RBMS3: variants seen among roughly 807,000 people sequenced by gnomAD.
The protein encoded by RBMS3 is RNA binding motif single stranded interacting protein 3.
In RBMS3, 27 loss-of-function variants were observed where a neutral mutation model predicts 66.8. The ratio of observed to expected loss-of-function variants is 0.40; its 90% confidence interval spans 0.30 to 0.56. The LOEUF (loss-of-function observed/expected upper bound fraction) is 0.56, where lower values mean the gene tolerates loss of function less well. Ranked by LOEUF, RBMS3 falls within the 20% of genes least tolerant of loss-of-function variation. The pLI, the probability that RBMS3 is intolerant of heterozygous loss-of-function variation, is 0.40. For missense variants in RBMS3, 513 were observed against 549.5 expected (o/e 0.93, Z 0.66); for synonymous variants, 188 against 183.0 (o/e 1.03, Z -0.22).
intron 5 of RBMS3, among the ~76,000 whole-genome samples, chr3:29,749,350 T>C (rs2055071517): frequency 6.6e-6 from 1 of 152,226 alleles, no homozygotes; most frequent in Non-Finnish European, 1.5e-5. Flanking sequence ...CAGTTCCCCA[T>C]GTAAACCAAG....
At chr3:30,002,692 C>T (rs540138260) in intron 14 of RBMS3, among the ~76,000 whole-genome samples, 12 of 152,074 alleles carry the variant, frequency 7.9e-5, no homozygotes, top group Admixed American at 3.3e-4. Context: ...CAACTAGTTG[C>T]TTTCCTCACA....
At chr3:29,807,060 A>G (rs2149451690) in intron 6 of RBMS3, among the ~76,000 whole-genome samples, 1 of 152,050 alleles carries the variant, frequency 6.6e-6, no homozygotes, top group South Asian at 2.1e-4. Context: ...TATATGCTTC[A>G]ATTTACAAAT....
At chr3:29,838,443 C>T (rs2058582594) in intron 6 of RBMS3, among the ~76,000 whole-genome samples, 1 of 152,062 alleles carries the variant, frequency 6.6e-6, no homozygotes, top group Non-Finnish European at 1.5e-5. Flanking sequence ...TCTTAAGTGA[C>T]AATATGTTCT....
intron 1 of RBMS3, among the ~76,000 whole-genome samples, chr3:29,328,087 A>C (rs796890913): frequency 1.8e-4 from 27 of 152,278 alleles, no homozygotes; most frequent in African/African-American, 6.0e-4. Context: ...TTATAACATC[A>C]TTATGTCTTG....
At chr3:29,853,253 C>G (rs915645377) in intron 6 of RBMS3, among the ~76,000 whole-genome samples, 2 of 152,032 alleles carry the variant, frequency 1.3e-5, no homozygotes, top group African/African-American at 2.4e-5. Flanking sequence ...CAACCAACCC[C>G]CATGACACAA....
At chr3:29,807,656 A>G (rs960258284) in intron 6 of RBMS3, among the ~76,000 whole-genome samples, 7 of 151,922 alleles carry the variant, frequency 4.6e-5, no homozygotes, top group Non-Finnish European at 7.4e-5. Flanking sequence ...AAGAAATGAG[A>G]TGGCAATATG....
intron 3 of RBMS3, among the ~76,000 whole-genome samples, chr3:29,529,540 T>C (rs1441497747): frequency 6.6e-6 from 1 of 152,180 alleles, no homozygotes; most frequent in Non-Finnish European, 1.5e-5. Context: ...GAGCTTTCTG[T>C]TTTAAAGAGA....
intron 3 of RBMS3, among the ~76,000 whole-genome samples, chr3:29,559,732 T>C (rs1441537623): frequency 6.6e-6 from 1 of 151,688 alleles, no homozygotes; most frequent in Admixed American, 6.6e-5. Flanking sequence ...TTGCATTTAT[T>C]GAATGAATGA....
intron 4 of RBMS3, among the ~76,000 whole-genome samples, chr3:29,711,597 A>C (rs13088513): frequency 0.43 from 64,753 of 151,930 alleles, 14,284 homozygotes; most frequent in South Asian, 0.53. Flanking sequence ...GAAACTTCAG[A>C]GCCAAGCAGG....
At chr3:29,384,968 T>C (rs1047871006) in intron 1 of RBMS3, among the ~76,000 whole-genome samples, 1 of 152,168 alleles carries the variant, frequency 6.6e-6, no homozygotes. Flanking sequence ...TATGATCTTA[T>C]AACTCCTGAG....
At chr3:29,845,609 G>T (rs1053588444) in intron 6 of RBMS3, among the ~76,000 whole-genome samples, 1 of 152,026 alleles carries the variant, frequency 6.6e-6, no homozygotes, top group Non-Finnish European at 1.5e-5. Context: ...CATTTGATAG[G>T]TATTTATTAG....
At chr3:29,699,002 C>G (rs2052412778) in intron 4 of RBMS3, among the ~76,000 whole-genome samples, 1 of 152,026 alleles carries the variant, frequency 6.6e-6, no homozygotes, top group Non-Finnish European at 1.5e-5. Context: ...CATAAAGTTC[C>G]ATTTTGTGAA....
intron 10 of RBMS3, among the ~76,000 whole-genome samples, chr3:29,915,307 A>C (rs1476826454): frequency 6.6e-6 from 1 of 151,880 alleles, no homozygotes; most frequent in Admixed American, 6.6e-5. Context: ...AGTTTTACTG[A>C]TCATAGAAGT....
chr3:29,498,143 C>T (rs192244233), intron 3 of RBMS3, among the ~76,000 whole-genome samples: 35 of 151,390 alleles, frequency 2.3e-4, no homozygotes, highest in Admixed American at 9.9e-4. Context: ...TACAGTCATG[C>T]ACCACCATGC....
intron 4 of RBMS3, among the ~76,000 whole-genome samples, chr3:29,654,732 G>A (rs2050265250): frequency 6.6e-6 from 1 of 151,222 alleles, no homozygotes; most frequent in Non-Finnish European, 1.5e-5. Flanking sequence ...CTGGAATACA[G>A]GCACACATCA....
Position 29,281,576 on chromosome 3 carries a change from A to T in RBMS3, c.-106A>T, listed in dbSNP as rs1375646514. ...CGAGTGGTGGAGTCTCTGAAGCCTC[A>T]TCAGTCACCGGGACTGTCAGGAATA... On this transcript the variant is annotated 5_prime_UTR_variant, in exon 1 of 15. Coordinates refer to ENST00000383767, the MANE Select transcript of RBMS3 (RefSeq NM_001003793.3). 4 of 848,360 alleles carry T rather than the reference A, an allele frequency of 4.7e-6. No individual in the cohort carries two copies. The African/African-American group carries it at 6.8e-5, about 15-fold the overall frequency. 52.6% of individuals were successfully genotyped at this position (848,360 alleles called of 1,614,324 possible).
intron 4 of RBMS3, among the ~76,000 whole-genome samples, chr3:29,718,318 A>G (rs1258510105): frequency 6.6e-6 from 1 of 152,090 alleles, no homozygotes; most frequent in Non-Finnish European, 1.5e-5. Flanking sequence ...ACACTTTTAA[A>G]ATGATACTGC....
At chr3:29,328,597 T>G (rs1575554140) in intron 1 of RBMS3, among the ~76,000 whole-genome samples, 1 of 152,172 alleles carries the variant, frequency 6.6e-6, no homozygotes, top group African/African-American at 2.4e-5. Flanking sequence ...TAGTTAATGT[T>G]GCTAGTCTTT....
rs141078352 is a variant in RBMS3 at position 29,718,188 on chromosome 3, A to C, written c.400-21532A>C. ...ATAAAAATAGAAAAAATCTGAAGTA[A>C]AAGTCTCCTGTCAATCTACCTCCAG... is the stretch of plus-strand genomic sequence containing the variant. On this transcript the variant is annotated intron_variant, in intron 4 of 14. Coordinates refer to ENST00000383767, the MANE Select transcript of RBMS3 (RefSeq NM_001003793.3). Among the ~76,000 whole-genome samples, 691 of 152,226 alleles carry C rather than the reference A, an allele frequency of 4.5e-3. 10 individuals carry two copies. The highest frequency in any genetic ancestry group is 0.016 in the African/African-American group (651 of 41,538).
Sources: gnomAD v4.1 joint callset for allele counts (sites outside exome capture counted in the v4.1 genomes callset) on GRCh38, gnomAD v4.1.1 for gene constraint, MANE v1.5 for transcripts, NCBI Gene and HGNC (gene_info 2026-07-23, HGNC 2026-07-21) for gene names.